CD44: variants seen among roughly 807,000 people sequenced by gnomAD.
CD44 encodes the protein CD44 molecule (IN blood group).
In CD44, 49 loss-of-function variants were observed where a neutral mutation model predicts 88.8. That is an observed-to-expected ratio of 0.55 (90% confidence interval 0.44 to 0.70). CD44 has a LOEUF of 0.70. Ranked by LOEUF, CD44 falls within the 30% of genes least tolerant of loss-of-function variation. The pLI is 0.00. For synonymous variants in CD44, 325 were observed against 312.3 expected (o/e 1.04, Z -0.43); for missense variants, 883 against 913.8 (o/e 0.97, Z 0.43).
chr11:35,155,850 C>G (rs1304286462), intron 1 of CD44, among the ~76,000 whole-genome samples: 1 of 152,178 alleles, frequency 6.6e-6, no homozygotes, highest in African/African-American at 2.4e-5. Flanking sequence ...CTACTGCACT[C>G]TTAGAGTGCA....
intron 14 of CD44, among the ~76,000 whole-genome samples, chr11:35,212,037 C>T (rs182681799): frequency 6.6e-6 from 1 of 151,980 alleles, no homozygotes; most frequent in African/African-American, 2.4e-5. Context: ...GAATAGGGAC[C>T]ACTTCTCTTA....
chr11:35,197,856 C>A, intron 6 of CD44: 1 of 352,480 alleles, frequency 2.8e-6, no homozygotes, highest in South Asian at 8.4e-5. Flanking sequence ...CCTTTAAAAA[C>A]TTATATGGTG....
chr11:35,159,206 G>A (rs1046771619), intron 1 of CD44, among the ~76,000 whole-genome samples: 1 of 152,178 alleles, frequency 6.6e-6, no homozygotes, highest in Non-Finnish European at 1.5e-5. Context: ...CATAAAGTGT[G>A]TCCATCGTTT....
intron 1 of CD44, among the ~76,000 whole-genome samples, chr11:35,172,756 A>C (rs1029906905): frequency 1.1e-4 from 17 of 152,158 alleles, no homozygotes; most frequent in African/African-American, 3.9e-4. Context: ...TGTTGCTCTG[A>C]GAGAGGATCT....
intron 1 of CD44, among the ~76,000 whole-genome samples, chr11:35,153,012 C>T (rs1009257763): frequency 6.6e-6 from 1 of 152,116 alleles, no homozygotes; most frequent in Non-Finnish European, 1.5e-5. Context: ...AGGAAGTTAT[C>T]GTGGTCTGAT....
At chr11:35,194,096 A>G (rs1303054926) in intron 5 of CD44, among the ~76,000 whole-genome samples, 2 of 152,220 alleles carry the variant, frequency 1.3e-5, no homozygotes, top group South Asian at 2.1e-4. Flanking sequence ...CCTCCAGCTC[A>G]TGGCTCAGTC....
At chr11:35,206,848 A>G (rs768456997) in intron 11 of CD44, among the ~76,000 whole-genome samples, 2 of 152,242 alleles carry the variant, frequency 1.3e-5, no homozygotes, top group African/African-American at 2.4e-5. Context: ...CCCAGCACAC[A>G]TGAGTTTGCA....
intron 5 of CD44, among the ~76,000 whole-genome samples, chr11:35,192,700 G>A (rs1310402261): frequency 6.6e-6 from 1 of 151,904 alleles, no homozygotes; most frequent in Admixed American, 6.6e-5. Flanking sequence ...GGAACTCTCT[G>A]GGATCAAGAA....
At chr11:35,218,424 G>C (rs1296980260) in intron 15 of CD44, among the ~76,000 whole-genome samples, 2 of 152,114 alleles carry the variant, frequency 1.3e-5, no homozygotes, top group African/African-American at 4.8e-5. Context: ...TGCTTCCTGG[G>C]TTCAAGCAAT....
chr11:35,177,105 C>CTG (rs1944541169), intron 2 of CD44: 1 of 173,234 alleles, frequency 5.8e-6, no homozygotes, highest in Non-Finnish European at 1.2e-5. Context: ...AAATATGTGG[C>CTG]TGTTAGAGTC....
chr11:35,156,656 C>G (rs1565022451), intron 1 of CD44, among the ~76,000 whole-genome samples: 1 of 152,130 alleles, frequency 6.6e-6, no homozygotes, highest in South Asian at 2.1e-4. Flanking sequence ...CAGCACAGGA[C>G]TTGAGAAAAA....
intron 1 of CD44, among the ~76,000 whole-genome samples, chr11:35,165,072 A>G (rs557400716): frequency 1.3e-4 from 20 of 152,280 alleles, no homozygotes; most frequent in Admixed American, 5.9e-4. Flanking sequence ...TTGATGGGGT[A>G]GGGTGGGTGC....
intron 1 of CD44, among the ~76,000 whole-genome samples, chr11:35,168,215 T>TA (rs898403183): frequency 3.3e-5 from 5 of 152,134 alleles, no homozygotes; most frequent in Admixed American, 6.5e-5. Flanking sequence ...CACACTTTAT[T>TA]AAAAAATCAC....
intron 17 of CD44, among the ~76,000 whole-genome samples, chr11:35,223,537 G>A (rs1194873708): frequency 6.6e-6 from 1 of 152,152 alleles, no homozygotes; most frequent in Non-Finnish European, 1.5e-5. Context: ...TGTCTTGTCA[G>A]CAGCAGACAG....
intron 15 of CD44, 183 bp from the exon 16 acceptor site, chr11:35,219,133 C>T (rs998072190): frequency 3.5e-5 from 21 of 600,996 alleles, no homozygotes; most frequent in Non-Finnish European, 5.4e-5. Flanking sequence ...TAAGCCTTAG[C>T]CTTAATCAAA....
intron 1 of CD44, among the ~76,000 whole-genome samples, chr11:35,167,358 G>C (rs1201924634): frequency 6.6e-6 from 1 of 152,016 alleles, no homozygotes. Context: ...ATTTTCTCCT[G>C]TGTCACAAGA....
In CD44 at chr11:35,231,260, C is replaced by T. The variant is rs1950044308; in HGVS notation, c.*1927C>T. 6.6e-6 allele frequency: 1 copy of T among 152,332 alleles called. No homozygotes were observed. The allele number at this position is 152,332 out of a possible 1,614,324, so 9.4% of individuals were successfully genotyped here. ...CTAGTGTTCAAGTGCCTCTTGTTTT[C>T]CCAGAGATTTCCTGGGTCTGCCAGA... On this transcript the variant is annotated 3_prime_UTR_variant, in exon 18 of 18. Coordinates refer to ENST00000428726, the MANE Select transcript of CD44 (RefSeq NM_000610.4).
chr11:35,190,371 C>T, intron 5 of CD44: 1 of 414,310 alleles, frequency 2.4e-6, no homozygotes, highest in Non-Finnish European at 4.4e-6. Context: ...AGTAACAATT[C>T]AAGCCTGATA....
intron 1 of CD44, among the ~76,000 whole-genome samples, chr11:35,172,065 T>C (rs1005592968): frequency 1.3e-5 from 2 of 152,196 alleles, no homozygotes; most frequent in African/African-American, 4.8e-5. Flanking sequence ...TTAGCAGATG[T>C]TATCGTTCTT....
Sources: gnomAD v4.1 joint callset for allele counts (sites outside exome capture counted in the v4.1 genomes callset) on GRCh38, gnomAD v4.1.1 for gene constraint, MANE v1.5 for transcripts, NCBI Gene and HGNC (gene_info 2026-07-23, HGNC 2026-07-21) for gene names.